FAM184B: variants seen among roughly 807,000 people sequenced by gnomAD.
The protein encoded by FAM184B is protein FAM184B.
A neutral mutation model predicts 135.9 loss-of-function variants in FAM184B; 111 were observed. That is an observed-to-expected ratio of 0.82 (90% CI 0.70 to 0.96). The LOEUF is 0.96. Ranked by LOEUF, FAM184B falls within the 40% of genes least tolerant of loss-of-function variation. FAM184B has a pLI of 0.00. For missense variants in FAM184B, 1,375 were observed against 1,323.9 expected (o/e 1.04, Z -0.60); for synonymous variants, 552 against 524.8 (o/e 1.05, Z -0.71).
intron 1 of FAM184B, among the ~76,000 whole-genome samples, chr4:17,719,086 T>C (rs997445785): frequency 1.3e-5 from 2 of 152,256 alleles, no homozygotes; most frequent in Non-Finnish European, 2.9e-5. Flanking sequence ...TAAGGCTTAA[T>C]TTATAAACTA....
chr4:17,683,446 T>A (rs1716494694), intron 7 of FAM184B, among the ~76,000 whole-genome samples: 1 of 152,208 alleles, frequency 6.6e-6, no homozygotes, highest in Admixed American at 6.5e-5. Context: ...ACTATCATTA[T>A]CCTTGGTGTA....
At chr4:17,742,138 A>C (rs1349926633) in intron 1 of FAM184B, among the ~76,000 whole-genome samples, 3 of 14,630 alleles carry the variant, frequency 2.1e-4, no homozygotes, top group Non-Finnish European at 5.5e-4. Flanking sequence ...ATACATATGA[A>C]TATATATATA....
At chr4:17,724,639 T>C (rs1286287520) in intron 1 of FAM184B, among the ~76,000 whole-genome samples, 3 of 152,148 alleles carry the variant, frequency 2.0e-5, no homozygotes, top group African/African-American at 7.2e-5. Context: ...GGTGCTACCA[T>C]CCAGCAGGCA....
intron 1 of FAM184B, among the ~76,000 whole-genome samples, chr4:17,731,023 G>A (rs1717763338): frequency 6.6e-6 from 1 of 152,046 alleles, no homozygotes. Flanking sequence ...GAAGCGCGAA[G>A]GGAAGTTTAG....
At chr4:17,730,198 GA>G (rs1367926209) in intron 1 of FAM184B, among the ~76,000 whole-genome samples, 1 of 152,176 alleles carries the variant, frequency 6.6e-6, no homozygotes, top group Admixed American at 6.5e-5. Flanking sequence ...AATGAAGCGA[GA>G]AGGGAAGTTT....
intron 5 of FAM184B, among the ~76,000 whole-genome samples, chr4:17,696,814 A>AAATG (rs141390669): frequency 1.4e-4 from 21 of 146,510 alleles, no homozygotes; most frequent in East Asian, 1.0e-3. Context: ...CCTTGTCTCT[A>AAATG]AATGAATGAA....
chr4:17,724,998 T>C (rs1445131416), intron 1 of FAM184B, among the ~76,000 whole-genome samples: 2 of 152,066 alleles, frequency 1.3e-5, no homozygotes, highest in Admixed American at 1.3e-4. Context: ...TGGCTCTCAA[T>C]CTCTATCTGC....
chr4:17,685,299 C>T (rs1301211716), intron 7 of FAM184B, among the ~76,000 whole-genome samples: 2 of 150,110 alleles, frequency 1.3e-5, no homozygotes, highest in African/African-American at 4.9e-5. Context: ...ACCTGTAATC[C>T]CAGCACTTTG....
chr4:17,676,414 A>G (rs1196262239), intron 7 of FAM184B, among the ~76,000 whole-genome samples: 1 of 152,242 alleles, frequency 6.6e-6, no homozygotes, highest in Non-Finnish European at 1.5e-5. Context: ...TATCAGATAT[A>G]ATAAGAATAA....
At chr4:17,675,841 T>G (rs1716300009) in intron 7 of FAM184B, among the ~76,000 whole-genome samples, 1 of 152,218 alleles carries the variant, frequency 6.6e-6, no homozygotes, top group South Asian at 2.1e-4. Context: ...TCTCTCTGGC[T>G]TCATAGAATT....
In FAM184B at chr4:17,650,390, T is replaced by G. The variant is rs193259717; in HGVS notation, c.2191+2440A>C. Among the ~76,000 whole-genome samples the G allele has an allele frequency of 2.0e-4, 30 of 152,346 alleles. No homozygotes were observed. In the East Asian group the frequency reaches 4.2e-3, roughly 22 times the overall value. On this transcript the variant is annotated intron_variant, in intron 11 of 17. Transcript: ENST00000265018. ...TGCTTGCACCTTCCCTTGAAGCCTA[T>G]GATTTGTTGTCATCACAGAGTCCAC...
chr4:17,653,318 T>G (rs1352198712), intron 10 of FAM184B, among the ~76,000 whole-genome samples: 1 of 152,154 alleles, frequency 6.6e-6, no homozygotes, highest in Non-Finnish European at 1.5e-5. Context: ...GGCTCCAAAT[T>G]TACCATACTC....
At chr4:17,645,812 T>G (rs1715451924) in intron 12 of FAM184B, among the ~76,000 whole-genome samples, 1 of 151,838 alleles carries the variant, frequency 6.6e-6, no homozygotes, top group Non-Finnish European at 1.5e-5. Context: ...GGGAGAAAAT[T>G]TTTGCAATCT....
At chr4:17,744,170 C>T (rs934542830) in intron 1 of FAM184B, among the ~76,000 whole-genome samples, 12 of 152,142 alleles carry the variant, frequency 7.9e-5, no homozygotes, top group African/African-American at 2.9e-4. Context: ...ATCTGCTTGG[C>T]TCATCTCCCT....
At chr4:17,754,204 C>T (rs1176750926) in intron 1 of FAM184B, among the ~76,000 whole-genome samples, 1 of 152,156 alleles carries the variant, frequency 6.6e-6, no homozygotes, top group Non-Finnish European at 1.5e-5. Flanking sequence ...CAAACACACA[C>T]TCATGCACAC....
intron 5 of FAM184B, among the ~76,000 whole-genome samples, chr4:17,703,878 C>A (rs1400949705): frequency 6.6e-6 from 1 of 151,410 alleles, no homozygotes; most frequent in Admixed American, 6.6e-5. Flanking sequence ...TTGCAGTGAG[C>A]CGAGATTGCG....
At chr4:17,661,466 C>T (rs1216041475) in intron 8 of FAM184B, among the ~76,000 whole-genome samples, 11 of 152,066 alleles carry the variant, frequency 7.2e-5, no homozygotes, top group Non-Finnish European at 1.2e-4. Flanking sequence ...GCAGGAGAAC[C>T]GCTTGGACTC....
chr4:17,719,641 T>A (rs552468938), intron 1 of FAM184B, among the ~76,000 whole-genome samples: 1 of 152,344 alleles, frequency 6.6e-6, no homozygotes, highest in South Asian at 2.1e-4. Flanking sequence ...CTCCTATCAA[T>A]ACATAACTGT....
At chr4:17,754,690 A>C (rs949329622) in intron 1 of FAM184B, among the ~76,000 whole-genome samples, 13 of 152,092 alleles carry the variant, frequency 8.5e-5, no homozygotes, top group African/African-American at 2.9e-4. Context: ...CAAACACATA[A>C]GCCCCTAGAT....
Sources: gnomAD v4.1 joint callset for allele counts (sites outside exome capture counted in the v4.1 genomes callset) on GRCh38, gnomAD v4.1.1 for gene constraint, MANE v1.5 for transcripts, NCBI Gene and HGNC (gene_info 2026-07-23, HGNC 2026-07-21) for gene names.